Variants in RIMS4 observed in about 807,000 individuals in gnomAD.
RIMS4 encodes the protein regulating synaptic membrane exocytosis protein 4.
In RIMS4, 9 loss-of-function variants were observed where a neutral mutation model predicts 29.0. The observed-to-expected ratio is 0.31, with a 90% CI of 0.19 to 0.54. The LOEUF is 0.54. Among genes scored for constraint, RIMS4 ranks in the 20% least tolerant of loss-of-function variants. The pLI is 0.94. For missense variants in RIMS4, 193 were observed against 365.7 expected (o/e 0.53, Z 3.85); for synonymous variants, 130 against 152.9 (o/e 0.85, Z 1.10).
At position 44,773,675 on chromosome 20, in the gene RIMS4, C is replaced by T. The variant is rs2066147097; in HGVS notation, c.98-2262G>A. Among the ~76,000 whole-genome samples, 4 of 152,134 alleles carry T rather than the reference C, an allele frequency of 2.6e-5. No individual in the cohort carries two copies. The South Asian group carries it at 8.3e-4, about 31-fold the overall frequency. On this transcript the variant is annotated intron_variant, in intron 1 of 5. Transcript: ENST00000372851. ...CGGAAGAGGGAGGAGCAGAGCATGACAAACAACTCAGTCCCCCAGAGCTGT... is the reference window on the plus strand; with the variant it reads ...CGGAAGAGGGAGGAGCAGAGCATGATAAACAACTCAGTCCCCCAGAGCTGT...
In RIMS4 at chr20:44,759,061, T is replaced by C. The variant is rs1401219628; in HGVS notation, c.237-877A>G. Among the ~76,000 whole-genome samples the C allele has an allele frequency of 2.6e-5, 4 of 152,206 alleles. No individual in the cohort carries two copies. In the East Asian group the frequency reaches 7.7e-4, roughly 29 times the overall value. On this transcript the variant is annotated intron_variant, in intron 2 of 5. Transcript: ENST00000372851. ...TCCCCACTCCCTTCACTTCTCTAAG[T>C]ATCTCTTTCCCATCTGTGAAATGGG...
chr20:44,781,397 C>A (rs1053657424), intron 1 of RIMS4, among the ~76,000 whole-genome samples: 3 of 152,182 alleles, frequency 2.0e-5, no homozygotes, highest in Non-Finnish European at 4.4e-5. Context: ...GTTAGAGGCA[C>A]GGTCTGGGTT....
At chr20:44,758,560 A>G (rs1446436890) in intron 2 of RIMS4, among the ~76,000 whole-genome samples, 5 of 152,088 alleles carry the variant, frequency 3.3e-5, no homozygotes, top group Non-Finnish European at 7.4e-5. Context: ...TTGGCTACCT[A>G]ATATCCACTT....
chr20:44,755,195 G>A lies in RIMS4; in HGVS notation c.*939C>T, dbSNP rs531784429. The A allele has an allele frequency of 6.6e-6, 1 of 152,540 alleles. No homozygotes were observed. The highest frequency in any genetic ancestry group is 2.4e-5 in the African/African-American group (1 of 41,528). 9.4% of individuals were successfully genotyped at this position (152,540 alleles called of 1,614,324 possible). The stretch of plus-strand genomic sequence containing the variant: ...TGGAGGCAGGGTGGGTAGACAGGAT[G>A]ACCATTGACCTCATGCAACAAGGAG... On this transcript the variant is annotated 3_prime_UTR_variant, in exon 6 of 6. Transcript: ENST00000372851.
At chr20:44,786,487 A>G (rs1227226730) in intron 1 of RIMS4, among the ~76,000 whole-genome samples, 3 of 152,184 alleles carry the variant, frequency 2.0e-5, no homozygotes, top group African/African-American at 7.2e-5. Context: ...CCATTTACAT[A>G]TATGTGCCAG....
chr20:44,793,809 C>T (rs2066243257), intron 1 of RIMS4, among the ~76,000 whole-genome samples: 1 of 152,146 alleles, frequency 6.6e-6, no homozygotes, highest in Non-Finnish European at 1.5e-5. Flanking sequence ...GTGGCTCATG[C>T]TTGTAATCCC....
intron 1 of RIMS4, among the ~76,000 whole-genome samples, chr20:44,794,634 C>T (rs1047772185): frequency 1.3e-5 from 2 of 152,176 alleles, no homozygotes; most frequent in South Asian, 2.1e-4. Flanking sequence ...CAGGAACTGG[C>T]CTGGCCTTGT....
At chr20:44,780,342 A>G (rs1365874442) in intron 1 of RIMS4, among the ~76,000 whole-genome samples, 2 of 152,234 alleles carry the variant, frequency 1.3e-5, no homozygotes, top group Admixed American at 1.3e-4. Flanking sequence ...TGGCGTGTGC[A>G]GGAACTGTCC....
At chr20:44,764,255 C>CATCCATCCATCCATCCATCCATCCATCTA (rs1325046131) in intron 2 of RIMS4, among the ~76,000 whole-genome samples, 1 of 144,322 alleles carries the variant, frequency 6.9e-6, no homozygotes, top group African/African-American at 2.6e-5. Flanking sequence ...TCCATCCATC[C>CATCCATCCATCCATCCATCCATCCATCTA]TCCCACAAAC....
chr20:44,756,445 C>G lies in RIMS4; in HGVS notation c.592-93G>C, dbSNP rs2066060597. 3 of 1,007,878 alleles carry G rather than the reference C, an allele frequency of 3.0e-6. No individual in the cohort carries two copies. The highest frequency in any genetic ancestry group is 4.5e-6 in the Non-Finnish European group (3 of 670,016). 62.4% of individuals were successfully genotyped at this position (1,007,878 alleles called of 1,614,324 possible). Reference sequence around the variant, plus strand: ...GGGTCGCCCCATGCCCAATCCAGCTCAGTCCTGTGATTTCTACCTCCTTAA... The same window carrying G: ...GGGTCGCCCCATGCCCAATCCAGCTGAGTCCTGTGATTTCTACCTCCTTAA... On this transcript the variant is annotated intron_variant, in intron 5 of 5. Transcript: ENST00000372851. This position sits in a 1 kb window ranked among gnomAD's most constrained non-coding sequence, Gnocchi z 5.9.
chr20:44,795,574 G>A (rs1461150522), intron 1 of RIMS4, among the ~76,000 whole-genome samples: 3 of 152,222 alleles, frequency 2.0e-5, no homozygotes, highest in African/African-American at 7.2e-5. Flanking sequence ...AGAGCTTGAA[G>A]TGAGCCAAGA....
At chr20:44,760,651 A>T (rs1304398655) in intron 2 of RIMS4, among the ~76,000 whole-genome samples, 1 of 152,196 alleles carries the variant, frequency 6.6e-6, no homozygotes, top group African/African-American at 2.4e-5. Flanking sequence ...CCTCACTGAC[A>T]TTCAGCTGGT....
chr20:44,804,500 A>G (rs1408677596), intron 1 of RIMS4, among the ~76,000 whole-genome samples: 2 of 152,300 alleles, frequency 1.3e-5, no homozygotes, highest in Admixed American at 6.5e-5. Context: ...CTTTCCAGCA[A>G]TTTTTAAAAG....
intron 2 of RIMS4, among the ~76,000 whole-genome samples, chr20:44,770,783 C>A (rs919954594): frequency 1.3e-5 from 2 of 152,094 alleles, no homozygotes; most frequent in African/African-American, 4.8e-5. Flanking sequence ...TCAAAACCAA[C>A]GGGATTTAGG....
At chr20:44,803,416 GA>G (rs2066284983) in intron 1 of RIMS4, among the ~76,000 whole-genome samples, 1 of 152,180 alleles carries the variant, frequency 6.6e-6, no homozygotes, top group Non-Finnish European at 1.5e-5. Context: ...TCCAGTCTTG[GA>G]AAGCCAGACC....
intron 2 of RIMS4, among the ~76,000 whole-genome samples, chr20:44,764,077 T>TCCAGCCATCCATCCAC (rs2066098849): frequency 6.9e-6 from 1 of 145,580 alleles, no homozygotes; most frequent in Non-Finnish European, 1.5e-5. Flanking sequence ...TATCCATCCA[T>TCCAGCCATCCATCCAC]CCATCCATCC....
chr20:44,783,621 CA>C (rs748590985), intron 1 of RIMS4, among the ~76,000 whole-genome samples: 10 of 143,056 alleles, frequency 7.0e-5, no homozygotes, highest in Admixed American at 2.8e-4. Flanking sequence ...GACCCTGTCT[CA>C]AAAAAAACAA....
Position 44,756,824 on chromosome 20 carries a change from C to G in RIMS4, c.591+74G>C. ...CCAGAGACACCCCCCGCCAGGGGTG[C>G]CCTCCTCTCATTCTGGTACTGTGCA... On this transcript the variant is annotated intron_variant, in intron 5 of 5. Coordinates refer to ENST00000372851, the MANE Select transcript of RIMS4 (RefSeq NM_182970.4). The surrounding 1 kb of genome is among the most constrained non-coding windows in gnomAD (Gnocchi z 5.9). 3 of 1,451,360 alleles carry G rather than the reference C, an allele frequency of 2.1e-6. No individual in the cohort carries two copies. The highest frequency in any genetic ancestry group is 1.6e-5 in the South Asian group (1 of 63,354). The allele number at this position is 1,451,360 out of a possible 1,614,324, so 89.9% of individuals were successfully genotyped here. A position where few individuals can be genotyped will look rare whatever the true frequency, so the allele number is the denominator to read the frequency against.
At chr20:44,794,504 T>C (rs1405366498) in intron 1 of RIMS4, among the ~76,000 whole-genome samples, 2 of 152,250 alleles carry the variant, frequency 1.3e-5, no homozygotes, top group Admixed American at 6.5e-5. Flanking sequence ...ATTATGGGCT[T>C]CAAGAGTTCT....
Sources: gnomAD v4.1 joint callset for allele counts (sites outside exome capture counted in the v4.1 genomes callset) on GRCh38, gnomAD v4.1.1 for gene constraint, Gnocchi (gnomAD v3.1) non-coding constraint, MANE v1.5 for transcripts, NCBI Gene and HGNC (gene_info 2026-07-23, HGNC 2026-07-21) for gene names.